Variants in TP63 observed in about 807,000 individuals in gnomAD.
TP63 encodes tumor protein p63.
Under a neutral mutation model 82.8 loss-of-function variants are expected in TP63, and 17 were observed. The ratio of observed to expected loss-of-function variants is 0.21; its 90% CI spans 0.14 to 0.31. The LOEUF is 0.31. Among genes scored for constraint, TP63 ranks in the 10% least tolerant of loss-of-function variants. The pLI is 1.00. For missense variants in TP63, 648 were observed against 895.3 expected (o/e 0.72, Z 3.52); for synonymous variants, 330 against 321.7 (o/e 1.03, Z -0.28).
At chr3:189,853,922 G>C (rs1213884039) in intron 4 of TP63, among the ~76,000 whole-genome samples, 1 of 152,158 alleles carries the variant, frequency 6.6e-6, no homozygotes, top group Non-Finnish European at 1.5e-5. Flanking sequence ...TGTTTTTGCT[G>C]TACTCTGCCT....
intron 5 of TP63, among the ~76,000 whole-genome samples, chr3:189,865,917 G>A (rs759755849): frequency 6.6e-6 from 1 of 152,126 alleles, no homozygotes; most frequent in African/African-American, 2.4e-5. Context: ...CATAATAGAT[G>A]ATGCAGCAGA....
At chr3:189,660,944 A>G (rs551750554) in intron 1 of TP63, among the ~76,000 whole-genome samples, 1 of 152,060 alleles carries the variant, frequency 6.6e-6, no homozygotes, top group Non-Finnish European at 1.5e-5. Flanking sequence ...CTGAAACTTT[A>G]CTGATGTCAT....
intron 1 of TP63, among the ~76,000 whole-genome samples, chr3:189,634,075 T>C (rs1729618355): frequency 1.3e-5 from 2 of 152,086 alleles, no homozygotes; most frequent in Admixed American, 1.3e-4. Context: ...AAAGCAAGGA[T>C]CAAACAATAT....
At chr3:189,610,755 G>A in the TP63 span, among the ~76,000 whole-genome samples, 1 of 152,082 alleles carries the variant, frequency 6.6e-6, no homozygotes, top group Non-Finnish European at 1.5e-5. Context: ...CCAATTTACT[G>A]TTTTAATCCA....
At chr3:189,879,677 CTG>C (rs1448124906) in intron 10 of TP63, among the ~76,000 whole-genome samples, 2 of 152,012 alleles carry the variant, frequency 1.3e-5, no homozygotes, top group Admixed American at 1.3e-4. Flanking sequence ...ATGCGAAGCA[CTG>C]TGTTAAATAC....
intron 3 of TP63, among the ~76,000 whole-genome samples, chr3:189,744,145 G>A (rs764118251): frequency 5.3e-5 from 8 of 152,140 alleles, no homozygotes; most frequent in Non-Finnish European, 1.0e-4. Flanking sequence ...CTGCCACCAA[G>A]GCTGAGGCAA....
intron 3 of TP63, among the ~76,000 whole-genome samples, chr3:189,753,138 A>G (rs1294487515): frequency 6.6e-6 from 1 of 152,176 alleles, no homozygotes; most frequent in African/African-American, 2.4e-5. Flanking sequence ...GGAATGTTCT[A>G]TAAATGTCAA....
chr3:189,763,457 T>C (rs1722729176), intron 3 of TP63, among the ~76,000 whole-genome samples: 1 of 152,170 alleles, frequency 6.6e-6, no homozygotes, highest in African/African-American at 2.4e-5. Flanking sequence ...AATGAATTAA[T>C]AAACAAAAAG....
chr3:189,675,944 A>ACTTTTTGCTGC (rs1715352939), intron 1 of TP63, among the ~76,000 whole-genome samples: 1 of 149,382 alleles, frequency 6.7e-6, no homozygotes, highest in African/African-American at 2.5e-5. Context: ...AGAGCCAGAA[A>ACTTTTTGCTGC]CACACACATT....
chr3:189,782,765 T>A (rs1252431002), intron 3 of TP63, among the ~76,000 whole-genome samples: 1 of 152,116 alleles, frequency 6.6e-6, no homozygotes, highest in Non-Finnish European at 1.5e-5. Context: ...GACCAGTCAA[T>A]GGGAGTACAG....
At chr3:189,639,750 TAGTC>T (rs1465194364) in intron 1 of TP63, among the ~76,000 whole-genome samples, 1 of 152,154 alleles carries the variant, frequency 6.6e-6, no homozygotes, top group Non-Finnish European at 1.5e-5. Flanking sequence ...CGTGATTATT[TAGTC>T]AGCCATATGG....
At chr3:189,601,849 A>G in the TP63 span, among the ~76,000 whole-genome samples, 2 of 152,186 alleles carry the variant, frequency 1.3e-5, no homozygotes, top group South Asian at 4.1e-4. Context: ...CAACGTAGCC[A>G]ACTTCCAGCT....
At chr3:189,864,998 C>G (rs1717529589) in intron 5 of TP63, among the ~76,000 whole-genome samples, 1 of 150,070 alleles carries the variant, frequency 6.7e-6, no homozygotes, top group East Asian at 2.0e-4. Flanking sequence ...CAGAGCGAGA[C>G]TCCATCTCAA....
intron 4 of TP63, among the ~76,000 whole-genome samples, chr3:189,821,819 C>T (rs1456712901): frequency 6.6e-6 from 1 of 152,174 alleles, no homozygotes; most frequent in Non-Finnish European, 1.5e-5. Flanking sequence ...CCCTTAACTG[C>T]TAATTACGAG....
chr3:189,604,032 A>G, the TP63 span, among the ~76,000 whole-genome samples: 1 of 152,164 alleles, frequency 6.6e-6, no homozygotes, highest in African/African-American at 2.4e-5. Context: ...AAAAATATAT[A>G]TATATTCACA....
At position 189,875,612 on chromosome 3, in the gene TP63, A is replaced by G. The variant is rs1164549227; in HGVS notation, c.1349+2617A>G. On this transcript the variant is annotated intron_variant, in intron 10 of 13. Coordinates refer to ENST00000264731, the MANE Select transcript of TP63 (RefSeq NM_003722.5). ...TACATACATATATATATATATATATATATATATATATATATATATATATAT... is the reference window on the plus strand; with the variant it reads ...TACATACATATATATATATATATATGTATATATATATATATATATATATAT... Among the ~76,000 whole-genome samples, 6 of 67,662 alleles carry G rather than the reference A, an allele frequency of 8.9e-5. 1 individual carries two copies. The highest frequency in any genetic ancestry group is 1.4e-4 in the Admixed American group (1 of 7,254). 44.4% of individuals were successfully genotyped at this position (67,662 alleles called of 152,430 possible). A position where few individuals can be genotyped will look rare whatever the true frequency, so the allele number is the denominator to read the frequency against.
chr3:189,673,115 C>T (rs139934163), intron 1 of TP63, among the ~76,000 whole-genome samples: 119 of 152,132 alleles, frequency 7.8e-4, no homozygotes, highest in African/African-American at 2.2e-3. Context: ...TGCAGATTAC[C>T]GGCATGAGCC....
rs1349438689 is a variant in TP63, at chr3:189,682,544, AAAAAAAAAAATATATATATATATATAT to A, written c.62+50969_62+50995del. On this transcript the variant is annotated intron_variant, in intron 1 of 13. Coordinates refer to ENST00000264731, the MANE Select transcript of TP63 (RefSeq NM_003722.5). ...GGACTTGGTCCTAAGGGGAAAAAAAAAAAAAAAAAATATATATATATATATATATATATATATATATATATATATATC... is the reference window on the plus strand; with the variant it reads ...GGACTTGGTCCTAAGGGGAAAAAAAAATATATATATATATATATATATATC... 1.3e-3 allele frequency among the ~76,000 whole-genome samples: 35 copies of A among 27,500 alleles called. 1 individual carries two copies. The highest frequency in any genetic ancestry group is 4.5e-3 in the African/African-American group (35 of 7,784). The allele number at this position is 27,500 out of a possible 152,430, so 18.0% of individuals were successfully genotyped here.
At chr3:189,833,016 G>A (rs1371438006) in intron 4 of TP63, among the ~76,000 whole-genome samples, 4 of 152,230 alleles carry the variant, frequency 2.6e-5, no homozygotes, top group African/African-American at 9.6e-5. Flanking sequence ...AGGCAAAGGT[G>A]AGACTGGATC....
Sources: gnomAD v4.1 joint callset for allele counts (sites outside exome capture counted in the v4.1 genomes callset) on GRCh38, gnomAD v4.1.1 for gene constraint, MANE v1.5 for transcripts, NCBI Gene and HGNC (gene_info 2026-07-23, HGNC 2026-07-21) for gene names.